CRYBG3: variants seen among roughly 807,000 people sequenced by gnomAD.
The protein encoded by CRYBG3 is crystallin beta-gamma domain containing 3, also known as very large A-kinase anchor protein.
CRYBG3 carries 127 observed loss-of-function variants against 244.2 expected under a neutral mutation model. The observed-to-expected ratio is 0.52, with a 90% CI of 0.45 to 0.60. The LOEUF (loss-of-function observed/expected upper bound fraction) is 0.60, where lower values mean the gene tolerates loss of function less well. Ranked by LOEUF, CRYBG3 falls within the 20% of genes least tolerant of loss-of-function variation. The probability of loss-of-function intolerance (pLI) is 0.00; values close to 1 mark genes in which losing one functional copy is unlikely to be tolerated. For synonymous variants in CRYBG3, 1,132 were observed against 1,195.8 expected (o/e 0.95, Z 1.10); for missense variants, 3,325 against 3,442.5 (o/e 0.97, Z 0.85).
At chr3:97,858,387 A>G (rs1296923682) in intron 2 of CRYBG3, among the ~76,000 whole-genome samples, 3 of 151,972 alleles carry the variant, frequency 2.0e-5, no homozygotes, top group Admixed American at 1.3e-4. Flanking sequence ...GGTTGAATCT[A>G]TTTGGGGACT....
intron 2 of CRYBG3, among the ~76,000 whole-genome samples, chr3:97,858,267 C>T (rs1306214569): frequency 1.3e-5 from 2 of 150,330 alleles, no homozygotes; most frequent in Admixed American, 6.6e-5. Flanking sequence ...AATGGAGATT[C>T]CTTTGTATGA....
At chr3:97,937,770 T>C (rs542644576) in intron 19 of CRYBG3, among the ~76,000 whole-genome samples, 2 of 152,174 alleles carry the variant, frequency 1.3e-5, no homozygotes, top group East Asian at 3.9e-4. Context: ...TTGTAGGAGC[T>C]GAGGAACTAT....
At chr3:97,897,187 G>A (rs1209865205) in intron 12 of CRYBG3, among the ~76,000 whole-genome samples, 1 of 151,934 alleles carries the variant, frequency 6.6e-6, no homozygotes, top group Non-Finnish European at 1.5e-5. Flanking sequence ...GAGTTGGTAT[G>A]CAGCGGAGAC....
At position 97,864,488 on chromosome 3, in the gene CRYBG3, A is replaced by T. The variant is rs2039196139; in HGVS notation, c.488A>T (p.His163Leu). The T allele has an allele frequency of 6.5e-7, 1 of 1,535,920 alleles. No individual in the cohort carries two copies. The highest frequency in any genetic ancestry group is 2.0e-5 in the Admixed American group (1 of 50,974). Residue 163 changes from histidine (H) to leucine (L), a missense_variant, in exon 3 of 22, where the codon CAT (histidine) becomes CTT (leucine). This residue lies in a region of CRYBG3 where 1,526 missense variants were observed against 1,443.2 expected (regional missense o/e 1.06). Coordinates refer to ENST00000389622, the MANE Select transcript of CRYBG3 (RefSeq NM_153605.4). ...EKDLQNPSDH[H>L]EDGIKREREI... Reference sequence around the variant, plus strand: ...GATTTACAAAATCCCAGTGACCATCATGAAGACGGGATCAAAAGGGAGAGA... The same window carrying T: ...GATTTACAAAATCCCAGTGACCATCTTGAAGACGGGATCAAAAGGGAGAGA...
rs139524740 is a variant in CRYBG3, at chr3:97,904,708, T to G, written c.8004+4223T>G. On this transcript the variant is annotated intron_variant, in intron 15 of 21. Transcript: ENST00000389622. Reference sequence around the variant, plus strand: ...TTTATTTTTTTATTTTTATTTTTTTTTAAGTTTCTGAGTCTTTTTTTTATA... The same window carrying G: ...TTTATTTTTTTATTTTTATTTTTTTGTAAGTTTCTGAGTCTTTTTTTTATA... Among the ~76,000 whole-genome samples, 288 of 151,138 alleles carry G rather than the reference T, an allele frequency of 1.9e-3. 13 individuals are homozygous for G. In the East Asian group the frequency reaches 0.043, roughly 23 times the overall value.
intron 16 of CRYBG3, among the ~76,000 whole-genome samples, chr3:97,913,462 G>C (rs1461212016): frequency 1.3e-5 from 2 of 152,180 alleles, no homozygotes; most frequent in African/African-American, 2.4e-5. Context: ...CACAAAAGCA[G>C]CCATACACAA....
chr3:97,822,134 T>C lies in CRYBG3; in HGVS notation c.-73T>C, dbSNP rs1025348286. On this transcript the variant is annotated 5_prime_UTR_variant, in exon 1 of 22. Coordinates refer to ENST00000389622, the MANE Select transcript of CRYBG3 (RefSeq NM_153605.4). ...CCTAGCCGCATCCCGCGGCGCCCGG[T>C]CGGGCTCCGGGCACCAGGCAACACC... The C allele has an allele frequency of 7.5e-7, 1 of 1,326,922 alleles. No individual in the cohort carries two copies. Among genetic ancestry groups the C allele is most frequent in the African/African-American group, 1.5e-5 (1 of 65,438 alleles). 82.2% of individuals were successfully genotyped at this position (1,326,922 alleles called of 1,614,324 possible).
intron 7 of CRYBG3, among the ~76,000 whole-genome samples, chr3:97,885,520 G>A (rs1331128100): frequency 1.3e-5 from 2 of 152,226 alleles, no homozygotes; most frequent in Non-Finnish European, 2.9e-5. Context: ...AAATGTACCT[G>A]TAATTTCAGA....
At chr3:97,832,852 G>T (rs1483065150) in intron 1 of CRYBG3, among the ~76,000 whole-genome samples, 1 of 151,734 alleles carries the variant, frequency 6.6e-6, no homozygotes, top group African/African-American at 2.4e-5. Context: ...AATCTACAAA[G>T]AACTCAAACA....
chr3:97,919,125 G>T (rs1202356559), intron 17 of CRYBG3, among the ~76,000 whole-genome samples: 1 of 152,096 alleles, frequency 6.6e-6, no homozygotes, highest in Non-Finnish European at 1.5e-5. Context: ...ATTTATCTCT[G>T]CCACTGTAGC....
intron 3 of CRYBG3, among the ~76,000 whole-genome samples, chr3:97,868,822 G>A (rs973051585): frequency 6.6e-6 from 1 of 152,242 alleles, no homozygotes; most frequent in Non-Finnish European, 1.5e-5. Context: ...GATTAAGAGA[G>A]AGTTGGCAGT....
At chr3:97,901,606 G>C (rs1483776964) in intron 15 of CRYBG3, among the ~76,000 whole-genome samples, 2 of 152,186 alleles carry the variant, frequency 1.3e-5, no homozygotes, top group Non-Finnish European at 2.9e-5. Context: ...ACTCCCAACT[G>C]TGGATTTTTA....
chr3:97,911,164 T>C (rs1459730288), intron 15 of CRYBG3, among the ~76,000 whole-genome samples: 1 of 152,170 alleles, frequency 6.6e-6, no homozygotes, highest in African/African-American at 2.4e-5. Context: ...CAATTCTAAG[T>C]AGAGGCCTTT....
chr3:97,900,935 C>T (rs1043778647), intron 15 of CRYBG3, among the ~76,000 whole-genome samples: 3 of 152,172 alleles, frequency 2.0e-5, no homozygotes, highest in Non-Finnish European at 4.4e-5. Flanking sequence ...ATATTCATTT[C>T]TACTGTATTA....
chr3:97,920,723 T>A (rs538731148), intron 17 of CRYBG3, among the ~76,000 whole-genome samples: 2 of 152,090 alleles, frequency 1.3e-5, no homozygotes, highest in African/African-American at 4.8e-5. Context: ...AGAGACGGGG[T>A]TTCACCATGT....
intron 2 of CRYBG3, among the ~76,000 whole-genome samples, chr3:97,861,403 G>A (rs2039145847): frequency 6.6e-6 from 1 of 152,114 alleles, no homozygotes; most frequent in Admixed American, 6.6e-5. Flanking sequence ...TTCCTAGCTT[G>A]TAAGCTCCTT....
chr3:97,909,202 T>G (rs1308166456), intron 15 of CRYBG3, among the ~76,000 whole-genome samples: 1 of 149,676 alleles, frequency 6.7e-6, no homozygotes, highest in Non-Finnish European at 1.5e-5. Flanking sequence ...ATTTCAACTT[T>G]GGTGAATCTG....
chr3:97,847,059 A>G (rs2038914462), intron 2 of CRYBG3, among the ~76,000 whole-genome samples: 1 of 152,134 alleles, frequency 6.6e-6, no homozygotes, highest in African/African-American at 2.4e-5. Flanking sequence ...AGAGAGGGGA[A>G]AGCTGCCACA....
Position 97,855,646 on chromosome 3 carries a change from G to T in CRYBG3, c.217-8571G>T, listed in dbSNP as rs150789429. ...TTCTATTTTCCTTAAGCGTCAGCTG[G>T]CTTGAGAAATAAAGGGACAGAGTAC... On this transcript the variant is annotated intron_variant, in intron 2 of 21. Transcript: ENST00000389622. Among the ~76,000 whole-genome samples the T allele has an allele frequency of 6.6e-5, 10 of 152,246 alleles. No homozygotes were observed. In the East Asian group the frequency reaches 1.7e-3, roughly 26 times the overall value.
Sources: gnomAD v4.1 joint callset for allele counts (sites outside exome capture counted in the v4.1 genomes callset) on GRCh38, gnomAD v4.1.1 for gene constraint, gnomAD v4.1.1 regional missense constraint, MANE v1.5 for transcripts, NCBI Gene and HGNC (gene_info 2026-07-23, HGNC 2026-07-21) for gene names.